TMTC2: variants seen among roughly 807,000 people sequenced by gnomAD.
TMTC2 encodes the protein protein O-mannosyl-transferase TMTC2.
Under a neutral mutation model 82.4 loss-of-function variants are expected in TMTC2, and 43 were observed. The ratio of observed to expected loss-of-function variants is 0.52; its 90% confidence interval spans 0.41 to 0.67. The LOEUF (loss-of-function observed/expected upper bound fraction) is 0.67. Ranked by LOEUF, TMTC2 falls within the 30% of genes least tolerant of loss-of-function variation. The probability of loss-of-function intolerance (pLI) is 0.00; values close to 1 mark genes in which losing one functional copy is unlikely to be tolerated. For missense variants in TMTC2, 919 were observed against 1,012.4 expected, an observed-to-expected ratio of 0.91 and a Z score of 1.25; for synonymous variants, 408 against 381.9, an observed-to-expected ratio of 1.07 and a Z score of -0.80.
intron 3 of TMTC2, among the ~76,000 whole-genome samples, chr12:82,900,633 T>TATAGGAATATATATCTCTGGAATATATAC (rs1873936237): frequency 1.4e-5 from 2 of 145,154 alleles, no homozygotes; most frequent in Non-Finnish European, 3.0e-5. Context: ...GAGGAATATA[T>TATAGGAATATATATCTCTGGAATATATAC]ATAGGAATAT....
At position 82,857,057 on chromosome 12, in the gene TMTC2, C is replaced by A. The variant is rs763597437; in HGVS notation, c.131C>A (p.Thr44Lys). ...GACCTTCTCCCAGAAACTCCATGGA[C>A]GCACATTTTCTACAATGATTTTTGG... is the stretch of plus-strand genomic sequence containing the variant. The part of the protein sequence containing the change: ...NQDLLPETPW[T>K]HIFYNDFWGT... The change falls in exon 2 of 12, where the codon ACG (threonine) becomes AAG (lysine). Residue 44 changes from threonine (T) to lysine (K), a missense_variant. Thr to Lys is a moderately conservative substitution (Grantham distance 78). Transcript: ENST00000321196. 2 of 1,613,332 alleles carry A rather than the reference C, an allele frequency of 1.2e-6. No individual in the cohort carries two copies. Among genetic ancestry groups the A allele is most frequent in the South Asian group, 2.2e-5 (2 of 91,080 alleles).
At position 82,958,369 on chromosome 12, in the gene TMTC2, AAC is replaced by A. The variant is rs1381522802; in HGVS notation, c.1599-6653_1599-6652del. On this transcript the variant is annotated intron_variant, in intron 4 of 11. Transcript: ENST00000321196. ...GAGTCTGTCTCAAAAAAAAAAAAAA[AAC>A]AAAAAAAACAAAAAAACTACTGACC... is the stretch of plus-strand genomic sequence containing the variant. Among the ~76,000 whole-genome samples the A allele has an allele frequency of 4.1e-3, 30 of 7,366 alleles. 2 individuals are homozygous for A. Among genetic ancestry groups the A allele is most frequent in the South Asian group, 0.014 (1 of 70 alleles). 4.8% of individuals were successfully genotyped at this position (7,366 alleles called of 152,430 possible). A position where few individuals can be genotyped will look rare whatever the true frequency, so the allele number is the denominator to read the frequency against.
chr12:83,021,603 ATT>A (rs145396643), intron 8 of TMTC2, among the ~76,000 whole-genome samples: 7 of 151,096 alleles, frequency 4.6e-5, no homozygotes, highest in South Asian at 2.1e-4. Flanking sequence ...TATAAAAAAA[ATT>A]TTTTTTTAAT....
At chr12:82,912,167 A>G (rs1874706857) in intron 3 of TMTC2, among the ~76,000 whole-genome samples, 1 of 152,200 alleles carries the variant, frequency 6.6e-6, no homozygotes, top group African/African-American at 2.4e-5. Flanking sequence ...ATATGTTTTA[A>G]TTATGAAAAA....
intron 10 of TMTC2, among the ~76,000 whole-genome samples, chr12:83,060,291 G>A (rs1341513534): frequency 6.6e-6 from 1 of 151,660 alleles, no homozygotes; most frequent in Non-Finnish European, 1.5e-5. Flanking sequence ...CTACACTCCA[G>A]AGAGATGTTA....
rs552332563 is a variant in TMTC2 at position 83,091,157 on chromosome 12, T to A, written c.2331+29326T>A. Among the ~76,000 whole-genome samples the A allele has an allele frequency of 2.0e-5, 3 of 152,274 alleles. No individual in the cohort carries two copies. In the East Asian group the frequency reaches 5.8e-4, roughly 29 times the overall value. On this transcript the variant is annotated intron_variant, in intron 11 of 11. Transcript: ENST00000321196. The stretch of plus-strand genomic sequence containing the variant: ...TGCTTTGCCCCCAAATCCCCTTCTT[T>A]AACTCCCTTTTGCACAGGTGACAGT...
chr12:82,792,638 T>A (rs1335272801), intron 1 of TMTC2, among the ~76,000 whole-genome samples: 4 of 151,994 alleles, frequency 2.6e-5, no homozygotes, highest in Non-Finnish European at 5.9e-5. Flanking sequence ...AGCTATTTTT[T>A]ATTTTTTTCC....
intron 1 of TMTC2, among the ~76,000 whole-genome samples, chr12:82,813,925 G>A (rs181076896): frequency 3.9e-5 from 6 of 152,054 alleles, no homozygotes; most frequent in African/African-American, 1.4e-4. Context: ...TTAATGTTAT[G>A]TTTATGATAC....
chr12:82,736,329 A>G (rs528380772), intron 1 of TMTC2, among the ~76,000 whole-genome samples: 1 of 152,234 alleles, frequency 6.6e-6, no homozygotes, highest in Admixed American at 6.5e-5. Context: ...AAAAAACAAC[A>G]TGTCCTATAT....
At chr12:83,058,385 G>T (rs542835228) in intron 10 of TMTC2, among the ~76,000 whole-genome samples, 1 of 151,808 alleles carries the variant, frequency 6.6e-6, no homozygotes, top group Non-Finnish European at 1.5e-5. Flanking sequence ...TGGGAATTCA[G>T]GGTTTACTTC....
At chr12:82,885,403 C>T (rs1392627738) in intron 2 of TMTC2, among the ~76,000 whole-genome samples, 1 of 151,810 alleles carries the variant, frequency 6.6e-6, no homozygotes, top group Non-Finnish European at 1.5e-5. Context: ...GACAGAGACA[C>T]TCTGTCACCC....
chr12:82,762,881 ATAACT>A (rs1213913190), intron 1 of TMTC2, among the ~76,000 whole-genome samples: 1 of 152,140 alleles, frequency 6.6e-6, no homozygotes, highest in African/African-American at 2.4e-5. Context: ...TTCCTCTCAA[ATAACT>A]TAAAAAAGGA....
intron 3 of TMTC2, among the ~76,000 whole-genome samples, chr12:82,928,735 C>T (rs888007824): frequency 1.3e-5 from 2 of 152,078 alleles, no homozygotes; most frequent in African/African-American, 2.4e-5. Context: ...GGAATGGGCA[C>T]TTATGTGTGG....
At chr12:82,877,853 A>C (rs147904424) in intron 2 of TMTC2, among the ~76,000 whole-genome samples, 440 of 152,278 alleles carry the variant, frequency 2.9e-3, no homozygotes, top group African/African-American at 9.9e-3. Context: ...AACAAAATCA[A>C]ACTGTTAAAG....
chr12:82,837,912 G>A (rs1374018303), intron 1 of TMTC2, among the ~76,000 whole-genome samples: 1 of 152,150 alleles, frequency 6.6e-6, no homozygotes, highest in East Asian at 1.9e-4. Flanking sequence ...AACAGAAGCA[G>A]CACTAGAACA....
At chr12:82,977,930 A>T (rs2403025) in intron 7 of TMTC2, among the ~76,000 whole-genome samples, 1 of 151,590 alleles carries the variant, frequency 6.6e-6, no homozygotes, top group Admixed American at 6.6e-5. Context: ...ATAACAAAAC[A>T]CTGGAAGGAA....
chr12:82,790,903 A>G (rs1592524606), intron 1 of TMTC2, among the ~76,000 whole-genome samples: 1 of 151,972 alleles, frequency 6.6e-6, no homozygotes, highest in Non-Finnish European at 1.5e-5. Context: ...TTTCCCTTTA[A>G]AAAAGAAATA....
intron 9 of TMTC2, among the ~76,000 whole-genome samples, chr12:83,040,679 CTTTTTTTT>C (rs750327519): frequency 8.1e-6 from 1 of 124,204 alleles, no homozygotes; most frequent in African/African-American, 3.0e-5. Flanking sequence ...CTGTCCTTTT[CTTTTTTTT>C]TTTTTTTTTT....
chr12:82,844,508 A>C (rs1339947606), intron 1 of TMTC2, among the ~76,000 whole-genome samples: 1 of 152,196 alleles, frequency 6.6e-6, no homozygotes, highest in South Asian at 2.1e-4. Flanking sequence ...CTCTTTTAGA[A>C]TCTAGTGTTC....
Sources: gnomAD v4.1 joint callset for allele counts (sites outside exome capture counted in the v4.1 genomes callset) on GRCh38, gnomAD v4.1.1 for gene constraint, MANE v1.5 for transcripts, NCBI Gene and HGNC (gene_info 2026-07-23, HGNC 2026-07-21) for gene names.